The following DNAI3 variants were observed in gnomAD, a reference collection of about 807,000 sequenced individuals.
DNAI3 encodes dynein axonemal intermediate chain 3.
A neutral mutation model predicts 115.5 loss-of-function variants in DNAI3; 83 were observed. That is an observed-to-expected ratio of 0.72 (90% CI 0.60 to 0.86). The LOEUF (loss-of-function observed/expected upper bound fraction) is 0.86, where lower values mean the gene tolerates loss of function less well. Ranked by LOEUF, DNAI3 falls within the 40% of genes least tolerant of loss-of-function variation. The pLI is 0.00. For synonymous variants in DNAI3, 320 were observed against 347.0 expected (o/e 0.92, Z 0.86); for missense variants, 1,004 against 1,075.8 (o/e 0.93, Z 0.93).
Position 85,085,746 on chromosome 1 carries a change from T to G in DNAI3, c.541-85T>G. On this transcript the variant is annotated intron_variant, in intron 6 of 22. Coordinates refer to ENST00000294664, the MANE Select transcript of DNAI3 (RefSeq NM_145172.5). Reference sequence around the variant, plus strand: ...TGCTCACAGAAAGTGCACAAAGGGCTCTGAGTGGATCTGAGCAGAGTACCA... The same window carrying G: ...TGCTCACAGAAAGTGCACAAAGGGCGCTGAGTGGATCTGAGCAGAGTACCA... 5.3e-6 allele frequency: 6 copies of G among 1,132,848 alleles called. No individual in the cohort carries two copies. The South Asian group carries it at 8.8e-5, about 17-fold the overall frequency. The allele number at this position is 1,132,848 out of a possible 1,614,324, so 70.2% of individuals were successfully genotyped here.
In DNAI3 at chr1:85,094,490, G is replaced by C. The variant is rs757629935; in HGVS notation, c.1108G>C (p.Gly370Arg). ...LSFEDRVHFS[G>R]KLLLQPSLIL... ...TTTTGAAGACAGAGTTCACTTTTCTGGTAAATTATTGCTGCAGCCATCACT... is the reference window on the plus strand; with the variant it reads ...TTTTGAAGACAGAGTTCACTTTTCTCGTAAATTATTGCTGCAGCCATCACT... Residue 370 changes from glycine to arginine, a missense_variant, in exon 10 of 23, where the codon GGT (glycine) becomes CGT (arginine). This residue lies in a region of DNAI3 where 550 missense variants were observed against 568.1 expected (regional missense o/e 0.97). Coordinates refer to ENST00000294664, the MANE Select transcript of DNAI3 (RefSeq NM_145172.5). 1 of 1,614,166 alleles carries C rather than the reference G, an allele frequency of 6.2e-7. No homozygotes were observed. Among genetic ancestry groups the C allele is most frequent in the Non-Finnish European group, 8.5e-7 (1 of 1,180,032 alleles).
intron 5 of DNAI3, among the ~76,000 whole-genome samples, chr1:85,082,973 C>T (rs1654679710): frequency 6.6e-6 from 1 of 152,140 alleles, no homozygotes; most frequent in Non-Finnish European, 1.5e-5. Flanking sequence ...ACCATTATTG[C>T]ACATTTCCAG....
intron 3 of DNAI3, among the ~76,000 whole-genome samples, chr1:85,080,207 A>G (rs1197338801): frequency 6.6e-6 from 1 of 151,644 alleles, no homozygotes; most frequent in Non-Finnish European, 1.5e-5. Context: ...GCGTGCCACC[A>G]TGCCTGGCTA....
chr1:85,093,441 T>C lies in DNAI3; in HGVS notation c.858-17T>C. On this transcript the variant is annotated splice_polypyrimidine_tract_variant and intron_variant, in intron 8 of 22. Coordinates refer to ENST00000294664, the MANE Select transcript of DNAI3 (RefSeq NM_145172.5). ...AAAACCAATATCTTAATTGCTTTTT[T>C]TATTTTTACAAATTAGTGTTGAAAT... 1.2e-6 allele frequency: 2 copies of C among 1,610,732 alleles called. No homozygotes were observed. The highest frequency in any genetic ancestry group is 2.2e-5 in the East Asian group (1 of 44,848).
intron 11 of DNAI3, among the ~76,000 whole-genome samples, 168 bp downstream of exon 11, chr1:85,096,188 A>G (rs978057622): frequency 6.6e-6 from 1 of 152,210 alleles, no homozygotes; most frequent in Non-Finnish European, 1.5e-5. Flanking sequence ...CGTGTTACAC[A>G]CGGTATCAGC....
At chr1:85,132,754 C>A in intron 22 of DNAI3, 101 bp from the exon 23 acceptor site, 3 of 1,392,820 alleles carry the variant, frequency 2.2e-6, no homozygotes, top group Admixed American at 2.2e-5. Flanking sequence ...TTCCAGAAAA[C>A]AGCAGCCAGG....
chr1:85,126,473 A>C, intron 19 of DNAI3, 38 bp from the exon 20 acceptor site: 1 of 1,578,472 alleles, frequency 6.3e-7, no homozygotes, highest in Non-Finnish European at 8.6e-7. Flanking sequence ...ATAATAACAA[A>C]ATCTTCTTTA....
chr1:85,104,277 C>A (rs146242649), intron 13 of DNAI3, among the ~76,000 whole-genome samples: 1 of 151,994 alleles, frequency 6.6e-6, no homozygotes, highest in East Asian at 1.9e-4. Flanking sequence ...CCCACCACCA[C>A]GCCCGGCTAA....
chr1:85,130,297 T>G, intron 22 of DNAI3, 185 bp downstream of exon 22: 2 of 760,786 alleles, frequency 2.6e-6, no homozygotes, highest in Non-Finnish European at 4.0e-6. Flanking sequence ...CGTAGTGAGA[T>G]TCTGTCCAAT....
At chr1:85,080,593 AAG>A (rs1464727968) in intron 3 of DNAI3, among the ~76,000 whole-genome samples, 2 of 152,188 alleles carry the variant, frequency 1.3e-5, no homozygotes, top group Non-Finnish European at 2.9e-5. Flanking sequence ...GTCACCTGGT[AAG>A]AGAGAGCAGC....
intron 3 of DNAI3, among the ~76,000 whole-genome samples, chr1:85,079,613 C>G (rs1024543432): frequency 1.3e-5 from 2 of 151,806 alleles, no homozygotes; most frequent in African/African-American, 2.4e-5. Flanking sequence ...GTCCTGGGGA[C>G]AGATGCAGAG....
intron 22 of DNAI3, 102 bp downstream of exon 22, chr1:85,130,214 C>T: frequency 6.6e-7 from 1 of 1,511,846 alleles, no homozygotes; most frequent in South Asian, 1.3e-5. Context: ...TATACTTTTT[C>T]ACATTCTTCT....
At chr1:85,127,069 G>A (rs1415114630) in intron 20 of DNAI3, among the ~76,000 whole-genome samples, 2 of 152,054 alleles carry the variant, frequency 1.3e-5, no homozygotes, top group South Asian at 2.1e-4. Context: ...AGGATGACCC[G>A]GATCTTTGTT....
At chr1:85,117,693 A>G (rs757550073) in intron 16 of DNAI3, 36 bp from the exon 17 acceptor site, 12 of 1,603,746 alleles carry the variant, frequency 7.5e-6, no homozygotes, top group Admixed American at 1.7e-5. Flanking sequence ...GTTTCCCTGT[A>G]AATATGTACT....
Position 85,128,853 on chromosome 1 carries a change from T to C in DNAI3, c.2409+54T>C. On this transcript the variant is annotated intron_variant, in intron 21 of 22. Coordinates refer to ENST00000294664, the MANE Select transcript of DNAI3 (RefSeq NM_145172.5). The stretch of plus-strand genomic sequence containing the variant: ...TTAATGTGACCAGATATTGCTGAGA[T>C]ATGTCTTTAAAAAAATGTTAGAAAT... 2.0e-6 allele frequency: 3 copies of C among 1,496,164 alleles called. No homozygotes were observed. The South Asian group carries it at 3.6e-5, about 18-fold the overall frequency. The allele number at this position is 1,496,164 out of a possible 1,614,324, so 92.7% of individuals were successfully genotyped here.
chr1:85,124,408 G>A (rs1656073519), intron 19 of DNAI3, among the ~76,000 whole-genome samples, 157 bp downstream of exon 19: 2 of 152,006 alleles, frequency 1.3e-5, no homozygotes, highest in Non-Finnish European at 2.9e-5. Flanking sequence ...CAGAACCACT[G>A]TAATCCTTTT....
At chr1:85,069,096 C>T (rs1347216021) in intron 1 of DNAI3, among the ~76,000 whole-genome samples, 1 of 152,206 alleles carries the variant, frequency 6.6e-6, no homozygotes, top group Non-Finnish European at 1.5e-5. Context: ...TGCAGCAAAG[C>T]TGACTAATAT....
At position 85,098,665 on chromosome 1, in the gene DNAI3, C is replaced by CTT; in HGVS notation, c.1479+8_1479+9dup. On this transcript the variant is annotated splice_region_variant and intron_variant, in intron 13 of 22. Transcript: ENST00000294664. ...GTTGTCTGACACATTTGAGGTGAGA[C>CTT]TTGATGGCCTTATACTTTTCTCCTG... 6.2e-7 allele frequency: 1 copy of CTT among 1,611,372 alleles called. No homozygotes were observed. The highest frequency in any genetic ancestry group is 1.1e-5 in the South Asian group (1 of 90,130).
chr1:85,095,759 AT>A (rs1285432740), intron 10 of DNAI3, among the ~76,000 whole-genome samples, 171 bp from the exon 11 acceptor site: 1 of 152,246 alleles, frequency 6.6e-6, no homozygotes, highest in Non-Finnish European at 1.5e-5. Context: ...GCACAATAAA[AT>A]TAAGCAAAAG....
Sources: allele counts gnomAD v4.1 joint callset (sites outside exome capture counted in the v4.1 genomes callset), GRCh38; gene constraint gnomAD v4.1.1; regional missense constraint gnomAD v4.1.1; transcripts MANE v1.5; gene names NCBI Gene and HGNC (gene_info 2026-07-23, HGNC 2026-07-21).